Variants in NBAS observed in about 807,000 individuals in gnomAD.
The protein encoded by NBAS is NBAS subunit of NRZ tethering complex.
In NBAS, 219 loss-of-function variants were observed where a neutral mutation model predicts 302.5. The observed-to-expected ratio is 0.72, with a 90% confidence interval of 0.65 to 0.81. NBAS has a LOEUF of 0.81. Among genes scored for constraint, NBAS ranks in the 30% least tolerant of loss-of-function variants. The probability of loss-of-function intolerance (pLI) is 0.00; values close to 1 mark genes in which losing one functional copy is unlikely to be tolerated. For missense variants in NBAS, 2,932 were observed against 2,841.6 expected (o/e 1.03, Z -0.72); for synonymous variants, 1,118 against 1,021.6 (o/e 1.09, Z -1.80).
chr2:15,239,214 T>C (rs769421519), intron 44 of NBAS, among the ~76,000 whole-genome samples: 5 of 152,096 alleles, frequency 3.3e-5, no homozygotes, highest in African/African-American at 7.2e-5. Context: ...AATATGTTTG[T>C]CATAGAATGT....
At chr2:15,489,318 T>C (rs971779919) in intron 11 of NBAS, among the ~76,000 whole-genome samples, 3 of 152,262 alleles carry the variant, frequency 2.0e-5, no homozygotes, top group Non-Finnish European at 2.9e-5. Context: ...TCTTCACATA[T>C]CAATTACCAT....
intron 35 of NBAS, among the ~76,000 whole-genome samples, chr2:15,331,813 C>T (rs1038230483): frequency 1.3e-5 from 2 of 152,196 alleles, no homozygotes; most frequent in Non-Finnish European, 2.9e-5. Context: ...GAACCTGTGA[C>T]TATGTAACAT....
At chr2:15,027,140 T>A in the NBAS span, among the ~76,000 whole-genome samples, 15 of 152,002 alleles carry the variant, frequency 9.9e-5, no homozygotes, top group East Asian at 1.9e-3. Flanking sequence ...CCAGAAAATG[T>A]GGGATTCTAT....
chr2:15,560,999 G>A (rs1412281027), intron 1 of NBAS, among the ~76,000 whole-genome samples, 189 bp downstream of exon 1: 2 of 152,000 alleles, frequency 1.3e-5, no homozygotes, highest in African/African-American at 4.8e-5. Context: ...AGAATCTCAG[G>A]GACCACCACC....
At chr2:15,531,953 T>C (rs1324226518) in intron 9 of NBAS, among the ~76,000 whole-genome samples, 1 of 152,174 alleles carries the variant, frequency 6.6e-6, no homozygotes, top group Non-Finnish European at 1.5e-5. Flanking sequence ...CTCATGTACT[T>C]TATATTCATT....
chr2:14,900,112 CT>C, the NBAS span, among the ~76,000 whole-genome samples: 526 of 140,456 alleles, frequency 3.7e-3, 2 homozygotes, highest in African/African-American at 7.5e-3. Flanking sequence ...AAGTCACATG[CT>C]TTTTTTTTTT....
intron 21 of NBAS, 77 bp downstream of exon 21, chr2:15,461,124 A>C (rs1181560885): frequency 7.7e-7 from 1 of 1,292,858 alleles, no homozygotes; most frequent in Non-Finnish European, 1.1e-6. Context: ...ATTTTTTTTA[A>C]CTTTAAGGTG....
At chr2:14,784,654 C>T in the NBAS span, among the ~76,000 whole-genome samples, 4 of 152,128 alleles carry the variant, frequency 2.6e-5, no homozygotes, top group Non-Finnish European at 1.5e-5. Context: ...TTTCTGAGGG[C>T]TCTGTTCTGT....
the NBAS span, among the ~76,000 whole-genome samples, chr2:15,128,291 A>G: frequency 6.6e-6 from 1 of 152,248 alleles, no homozygotes; most frequent in African/African-American, 2.4e-5. Flanking sequence ...TGTGATTGAC[A>G]GCGGGGGACT....
chr2:14,786,129 C>A, the NBAS span, among the ~76,000 whole-genome samples: 84 of 152,278 alleles, frequency 5.5e-4, no homozygotes, highest in Non-Finnish European at 1.1e-3. Context: ...GTAGTATTCT[C>A]TGATGGTAGT....
At chr2:15,068,431 C>T in the NBAS span, among the ~76,000 whole-genome samples, 12 of 152,140 alleles carry the variant, frequency 7.9e-5, no homozygotes, top group African/African-American at 2.9e-4. Context: ...TTGGAAGGTT[C>T]TAGGTATGAA....
At chr2:15,322,509 G>A (rs1277714464) in intron 38 of NBAS, among the ~76,000 whole-genome samples, 1 of 152,128 alleles carries the variant, frequency 6.6e-6, no homozygotes, top group Admixed American at 6.6e-5. Flanking sequence ...TTTAATTCTA[G>A]AACAAAACTC....
chr2:15,477,646 G>A (rs1680248283), intron 13 of NBAS, among the ~76,000 whole-genome samples: 1 of 152,076 alleles, frequency 6.6e-6, no homozygotes, highest in African/African-American at 2.4e-5. Flanking sequence ...AACTTAGAAA[G>A]TTTCACCTAA....
intron 30 of NBAS, among the ~76,000 whole-genome samples, chr2:15,377,390 C>T (rs1674796143): frequency 1.3e-5 from 2 of 152,142 alleles, no homozygotes; most frequent in African/African-American, 4.8e-5. Context: ...TAACAAAGAC[C>T]AAAATTTTGC....
At chr2:14,945,583 T>A in the NBAS span, among the ~76,000 whole-genome samples, 13 of 152,302 alleles carry the variant, frequency 8.5e-5, no homozygotes, top group Admixed American at 3.3e-4. Flanking sequence ...TTTAATGAGA[T>A]TAAAATAATT....
chr2:15,551,458 A>G (rs1664382167), intron 6 of NBAS, 35 bp downstream of exon 6: 2 of 1,480,196 alleles, frequency 1.4e-6, no homozygotes, highest in South Asian at 2.3e-5. Context: ...GCGCATTTGA[A>G]ATTTTCATTC....
chr2:15,510,128 G>A (rs923633763), intron 10 of NBAS, among the ~76,000 whole-genome samples: 15 of 152,276 alleles, frequency 9.9e-5, no homozygotes, highest in Admixed American at 2.6e-4. Flanking sequence ...GATTACAGGC[G>A]TGAGCCACCA....
In NBAS at chr2:15,400,447, G is replaced by A. The variant is rs527500687; in HGVS notation, c.3071+1721C>T. ...CGTAATCATAATGATGAAAACACTG[G>A]AGAATGGTAGGAGAAGTGGATATGG... On this transcript the variant is annotated intron_variant, in intron 26 of 51. Transcript: ENST00000281513. 1.5e-4 allele frequency among the ~76,000 whole-genome samples: 23 copies of A among 152,226 alleles called. No individual in the cohort carries two copies. In the South Asian group the frequency reaches 4.4e-3, roughly 29 times the overall value.
chr2:15,492,370 C>A (rs1357805261), intron 11 of NBAS, among the ~76,000 whole-genome samples: 1 of 152,156 alleles, frequency 6.6e-6, no homozygotes, highest in East Asian at 1.9e-4. Flanking sequence ...TGTAGCCACT[C>A]AAGATTCTCA....
Sources: gnomAD v4.1 joint callset for allele counts (sites outside exome capture counted in the v4.1 genomes callset) on GRCh38, gnomAD v4.1.1 for gene constraint, MANE v1.5 for transcripts, NCBI Gene and HGNC (gene_info 2026-07-23, HGNC 2026-07-21) for gene names.